The following CBFA2T3 variants were observed in gnomAD, a reference collection of about 807,000 sequenced individuals.
The protein encoded by CBFA2T3 is CBFA2/RUNX1 partner transcriptional co-repressor 3.
A neutral mutation model predicts 58.6 loss-of-function variants in CBFA2T3; 31 were observed. The ratio of observed to expected loss-of-function variants is 0.53; its 90% CI spans 0.40 to 0.71. The LOEUF is 0.71. CBFA2T3 is among the 30% of genes least tolerant of loss of function. The pLI, the probability that CBFA2T3 is intolerant of heterozygous loss-of-function variation, is 0.00. For missense variants in CBFA2T3, 1,076 were observed against 963.1 expected (o/e 1.12, Z -1.55); for synonymous variants, 531 against 421.9 (o/e 1.26, Z -3.17).
chr16:88,961,143 G>A (rs1972343830), intron 1 of CBFA2T3, among the ~76,000 whole-genome samples: 2 of 152,274 alleles, frequency 1.3e-5, no homozygotes, highest in South Asian at 4.1e-4. Flanking sequence ...TCCTGATCTG[G>A]TGTCTCTAGA....
At chr16:88,896,999 CGT>C (rs975640857) in intron 3 of CBFA2T3, among the ~76,000 whole-genome samples, 5 of 152,246 alleles carry the variant, frequency 3.3e-5, no homozygotes, top group African/African-American at 1.2e-4. Flanking sequence ...AGACCGCACA[CGT>C]GTCCCCAGCT....
chr16:88,897,344 C>T (rs1261651711), intron 3 of CBFA2T3, among the ~76,000 whole-genome samples: 2 of 152,262 alleles, frequency 1.3e-5, no homozygotes, highest in Non-Finnish European at 1.5e-5. Flanking sequence ...AGTGCCACGA[C>T]AGCCACACCT....
At chr16:88,973,233 G>A (rs1972701684) in intron 1 of CBFA2T3, among the ~76,000 whole-genome samples, 1 of 152,266 alleles carries the variant, frequency 6.6e-6, no homozygotes, top group Non-Finnish European at 1.5e-5. Context: ...AGTGGCTGGA[G>A]CTCTGGCCTA....
At chr16:88,933,928 C>A (rs1396745800) in intron 1 of CBFA2T3, among the ~76,000 whole-genome samples, 1 of 149,308 alleles carries the variant, frequency 6.7e-6, no homozygotes, top group African/African-American at 2.4e-5. Context: ...CCAAGCTGCA[C>A]GCTGCCCCCG....
At chr16:88,904,169 C>T (rs1261900820) in intron 1 of CBFA2T3, among the ~76,000 whole-genome samples, 1 of 152,214 alleles carries the variant, frequency 6.6e-6, no homozygotes, top group Non-Finnish European at 1.5e-5. Flanking sequence ...CAGACAGTGC[C>T]CTGCCGGCGC....
intron 1 of CBFA2T3, among the ~76,000 whole-genome samples, chr16:88,972,766 C>T (rs150534980): frequency 0.015 from 2,257 of 152,314 alleles, 34 homozygotes; most frequent in Middle Eastern, 0.048. Context: ...GGCTGGCTCC[C>T]CGACATGGAG....
intron 3 of CBFA2T3, among the ~76,000 whole-genome samples, chr16:88,895,327 G>A (rs901699795): frequency 6.6e-6 from 1 of 152,208 alleles, no homozygotes; most frequent in Admixed American, 6.5e-5. Context: ...AGCCGCCTGA[G>A]GCTCCCACCT....
intron 1 of CBFA2T3, among the ~76,000 whole-genome samples, chr16:88,928,662 C>T (rs933279058): frequency 2.0e-5 from 3 of 152,218 alleles, no homozygotes; most frequent in African/African-American, 7.2e-5. Flanking sequence ...GTACTGAGCG[C>T]CTCGTGTGTC....
chr16:88,935,058 A>C (rs11864993), intron 1 of CBFA2T3, among the ~76,000 whole-genome samples: 44,382 of 152,198 alleles, frequency 0.29, 7,444 homozygotes, highest in Middle Eastern at 0.52. Context: ...GCATTCTTTA[A>C]GGGAGCTGAA....
Position 88,891,873 on chromosome 16 carries a change from T to G in CBFA2T3, c.711+9A>C, listed in dbSNP as rs771483044. 3 of 1,603,244 alleles carry G rather than the reference T, an allele frequency of 1.9e-6. No homozygotes were observed. The highest frequency in any genetic ancestry group is 2.6e-6 in the Non-Finnish European group (3 of 1,171,462). On this transcript the variant is annotated intron_variant, in intron 5 of 11. Transcript: ENST00000268679. ...GCTCCCGCAGCACGGGGGACGGGTT[T>G]CGCATTACCTTCAGGAAGGGAATGA...
At chr16:88,938,613 C>CG (rs1971592207) in intron 1 of CBFA2T3, 1 of 152,376 alleles carries the variant, frequency 6.6e-6, no homozygotes, top group East Asian at 1.9e-4. Context: ...GCAGCAAGTG[C>CG]GGGCCGGGAG....
chr16:88,898,977 G>C (rs1969998891), intron 2 of CBFA2T3, among the ~76,000 whole-genome samples: 3 of 152,314 alleles, frequency 2.0e-5, no homozygotes, highest in South Asian at 4.1e-4. Flanking sequence ...GGGTAATCAA[G>C]GGCAGGATAA....
chr16:88,882,648 G>A, intron 8 of CBFA2T3, 28 bp downstream of exon 8: 3 of 1,469,270 alleles, frequency 2.0e-6, no homozygotes, highest in Non-Finnish European at 2.8e-6. Context: ...GCATGGCTGT[G>A]TGGGCGTGGC....
Position 88,875,592 on chromosome 16 carries a change from G to A in CBFA2T3, c.*1384C>T, listed in dbSNP as rs1968799489. On this transcript the variant is annotated 3_prime_UTR_variant, in exon 12 of 12. Coordinates refer to ENST00000268679, the MANE Select transcript of CBFA2T3 (RefSeq NM_005187.6). ...ATGGGGCCGAGAGGTTGGAGTTGGG[G>A]CGATGGGGCTGAGAGAGGTCGGAGC... 1 of 233,888 alleles carries A rather than the reference G, an allele frequency of 4.3e-6. No homozygotes were observed. Among genetic ancestry groups the A allele is most frequent in the African/African-American group, 2.2e-5 (1 of 45,402 alleles). 14.5% of individuals were successfully genotyped at this position (233,888 alleles called of 1,614,324 possible). A position where few individuals can be genotyped will look rare whatever the true frequency, so the allele number is the denominator to read the frequency against.
Position 88,875,133 on chromosome 16 carries a change from C to T in CBFA2T3, c.*1843G>A, listed in dbSNP as rs1968781935. The T allele has an allele frequency of 1.3e-5, 3 of 235,346 alleles. No homozygotes were observed. In the South Asian group the frequency reaches 4.3e-4, roughly 34 times the overall value. 14.6% of individuals were successfully genotyped at this position (235,346 alleles called of 1,614,324 possible). A position where few individuals can be genotyped will look rare whatever the true frequency, so the allele number is the denominator to read the frequency against. On this transcript the variant is annotated 3_prime_UTR_variant, in exon 12 of 12. Coordinates refer to ENST00000268679, the MANE Select transcript of CBFA2T3 (RefSeq NM_005187.6). ...CCACGCCACACACACAGATGCCAGG[C>T]CACGGGCCACGCCACGCACACAGAT... is the stretch of plus-strand genomic sequence containing the variant.
chr16:88,952,864 C>A lies in CBFA2T3; in HGVS notation c.151+23793G>T, dbSNP rs190500126. 2.8e-3 allele frequency among the ~76,000 whole-genome samples: 431 copies of A among 151,956 alleles called. 4 individuals are homozygous for A. The highest frequency in any genetic ancestry group is 9.8e-3 in the African/African-American group (406 of 41,342). ...CACAGCTCAAGGCTTCCTTCCCCCC[C>A]ACCCCCACACCCTGGGGACAGCATG... On this transcript the variant is annotated intron_variant, in intron 1 of 11. Coordinates refer to ENST00000268679, the MANE Select transcript of CBFA2T3 (RefSeq NM_005187.6).
rs201046655 is a variant in CBFA2T3, at chr16:88,950,414, C to T, written c.151+26243G>A. 2,624 of 428,236 alleles carry T rather than the reference C, an allele frequency of 6.1e-3. 126 individuals carry two copies. The highest frequency in any genetic ancestry group is 8.9e-3 in the Non-Finnish European group (1,927 of 215,716). 26.5% of individuals were successfully genotyped at this position (428,236 alleles called of 1,614,324 possible). ...GGGTCAGTTCACCCGTCCCCTGGAC[C>T]GGCACCGGCACAGAGGGTCAGAGTG... On this transcript the variant is annotated intron_variant, in intron 1 of 11. Transcript: ENST00000268679.
intron 1 of CBFA2T3, among the ~76,000 whole-genome samples, chr16:88,902,870 C>T (rs769863704): frequency 7.2e-5 from 11 of 152,166 alleles, no homozygotes; most frequent in Non-Finnish European, 1.0e-4. Flanking sequence ...CCCACGACTG[C>T]CCCGCACCCT....
intron 5 of CBFA2T3, among the ~76,000 whole-genome samples, chr16:88,889,729 G>A (rs1472588121): frequency 6.6e-6 from 1 of 150,586 alleles, no homozygotes; most frequent in Non-Finnish European, 1.5e-5. Context: ...CCTCCTCCAG[G>A]GACACTTCAA....
Sources: allele counts gnomAD v4.1 joint callset (sites outside exome capture counted in the v4.1 genomes callset), GRCh38; gene constraint gnomAD v4.1.1; transcripts MANE v1.5; gene names NCBI Gene and HGNC (gene_info 2026-07-23, HGNC 2026-07-21).